Variants in WDR25 observed in about 807,000 individuals in gnomAD.
WDR25 encodes the protein WD repeat domain 25.
In WDR25, 35 loss-of-function variants were observed where a neutral mutation model predicts 47.7. The ratio of observed to expected loss-of-function variants is 0.73; its 90% CI spans 0.56 to 0.97. The LOEUF (loss-of-function observed/expected upper bound fraction) is 0.97. Among genes scored for constraint, WDR25 ranks in the 50% least tolerant of loss-of-function variants. The pLI is 0.00. For synonymous variants in WDR25, 248 were observed against 278.9 expected, an observed-to-expected ratio of 0.89 and a Z score of 1.10; for missense variants, 634 against 704.7, an observed-to-expected ratio of 0.90 and a Z score of 1.14.
chr14:100,508,807 T>A (rs899714993), intron 4 of WDR25, among the ~76,000 whole-genome samples: 7 of 152,172 alleles, frequency 4.6e-5, no homozygotes, highest in African/African-American at 1.4e-4. Flanking sequence ...ATGAATTTTT[T>A]AAAAATCATA....
intron 4 of WDR25, among the ~76,000 whole-genome samples, chr14:100,505,907 A>T (rs1292110720): frequency 2.6e-5 from 4 of 152,122 alleles, no homozygotes; most frequent in African/African-American, 4.8e-5. Flanking sequence ...CTTTCTTTTT[A>T]AAAAAATAAT....
chr14:100,432,643 G>A (rs1898373210), intron 2 of WDR25, among the ~76,000 whole-genome samples: 1 of 152,164 alleles, frequency 6.6e-6, no homozygotes, highest in Non-Finnish European at 1.5e-5. Flanking sequence ...TACCATGTAA[G>A]AGTAAGACTG....
intron 2 of WDR25, among the ~76,000 whole-genome samples, chr14:100,418,775 G>T (rs1293173834): frequency 6.6e-6 from 1 of 151,772 alleles, no homozygotes; most frequent in South Asian, 2.1e-4. Context: ...GCGGGGGGGG[G>T]TCCTACTCAC....
intron 3 of WDR25, chr14:100,481,017 A>G: frequency 2.3e-6 from 1 of 435,608 alleles, no homozygotes. Flanking sequence ...AGACTGGTGC[A>G]GTTGTCAGCT....
At chr14:100,410,211 C>T (rs1052926513) in intron 2 of WDR25, among the ~76,000 whole-genome samples, 2 of 152,254 alleles carry the variant, frequency 1.3e-5, no homozygotes, top group African/African-American at 2.4e-5. Context: ...CGTCAGTGCT[C>T]GTCCCTGGCC....
Position 100,424,329 on chromosome 14 carries a change from A to G in WDR25, c.822+42583A>G, listed in dbSNP as rs547397474. Among the ~76,000 whole-genome samples, 6 of 152,170 alleles carry G rather than the reference A, an allele frequency of 3.9e-5. No homozygotes were observed. The highest frequency in any genetic ancestry group is 6.5e-5 in the Admixed American group (1 of 15,286). Reference sequence around the variant, plus strand: ...GCATTAGCCTCTGTTTCCATGACAGACTGTTCACAGCCTCACAGTTTGCAT... The same window carrying G: ...GCATTAGCCTCTGTTTCCATGACAGGCTGTTCACAGCCTCACAGTTTGCAT... On this transcript the variant is annotated intron_variant, in intron 2 of 6. Coordinates refer to ENST00000402312, the MANE Select transcript of WDR25 (RefSeq NM_001161476.3). The surrounding 1 kb of genome is among the most constrained non-coding windows in gnomAD (Gnocchi z 4.2).
intron 2 of WDR25, among the ~76,000 whole-genome samples, chr14:100,447,593 G>C (rs757473050): frequency 2.2e-4 from 33 of 152,192 alleles, no homozygotes; most frequent in Non-Finnish European, 4.4e-4. Context: ...ACCCAGACTT[G>C]AGTGCTCTGT....
intron 2 of WDR25, among the ~76,000 whole-genome samples, chr14:100,399,084 C>CT (rs113216699): frequency 0.12 from 17,161 of 148,766 alleles, 2,282 homozygotes; most frequent in African/African-American, 0.33. Context: ...TTCCTTTTTT[C>CT]TTTTTTTTTT....
At chr14:100,382,137 G>T in intron 2 of WDR25, 1 of 702,996 alleles carries the variant, frequency 1.4e-6, no homozygotes, top group South Asian at 1.5e-5. Context: ...CTGGTTTCAA[G>T]GGCTGTTGGG....
chr14:100,478,116 A>AAC (rs67776004), intron 3 of WDR25, among the ~76,000 whole-genome samples: 1 of 20,002 alleles, frequency 5.0e-5, no homozygotes, highest in South Asian at 6.1e-4. Context: ...AACAAAACAA[A>AAC]AACAAACAAA....
intron 4 of WDR25, among the ~76,000 whole-genome samples, chr14:100,524,824 C>T (rs913164681): frequency 6.6e-6 from 1 of 152,202 alleles, no homozygotes; most frequent in Non-Finnish European, 1.5e-5. Context: ...GAGAATGGGC[C>T]TCAACCTCCT....
At chr14:100,497,212 G>T (rs1350679900) in intron 4 of WDR25, among the ~76,000 whole-genome samples, 5 of 152,196 alleles carry the variant, frequency 3.3e-5, no homozygotes. Flanking sequence ...CTGTTGTTGG[G>T]TGGAGTGTTG....
intron 4 of WDR25, among the ~76,000 whole-genome samples, chr14:100,492,467 T>C (rs1267340169): frequency 6.6e-6 from 1 of 152,218 alleles, no homozygotes; most frequent in Admixed American, 6.5e-5. Flanking sequence ...GTTCCAAGAC[T>C]TTCATTAACA....
In WDR25 at chr14:100,404,851, G is replaced by A. The variant is rs138168261; in HGVS notation, c.822+23105G>A. Reference sequence around the variant, plus strand: ...CCCCTGCAGCTCTGGCCTCTGCTGGGCCCATCCCTCCTGTGAGTGACATGG... The same window carrying A: ...CCCCTGCAGCTCTGGCCTCTGCTGGACCCATCCCTCCTGTGAGTGACATGG... On this transcript the variant is annotated intron_variant, in intron 2 of 6. Coordinates refer to ENST00000402312, the MANE Select transcript of WDR25 (RefSeq NM_001161476.3). The surrounding 1 kb of genome is among the most constrained non-coding windows in gnomAD (Gnocchi z 4.6). Among the ~76,000 whole-genome samples the A allele has an allele frequency of 1.4e-4, 21 of 152,232 alleles. No individual in the cohort carries two copies. The East Asian group carries it at 4.1e-3, about 29-fold the overall frequency.
chr14:100,483,396 A>G (rs1023316225), intron 3 of WDR25, among the ~76,000 whole-genome samples: 2 of 152,166 alleles, frequency 1.3e-5, no homozygotes, highest in African/African-American at 2.4e-5. Flanking sequence ...GAGACCCCCA[A>G]TGGCCCACAC....
chr14:100,529,331 T>C lies in WDR25; in HGVS notation c.1413+123T>C, dbSNP rs753272926. 25 of 1,440,552 alleles carry C rather than the reference T, an allele frequency of 1.7e-5. No individual in the cohort carries two copies. The highest frequency in any genetic ancestry group is 2.1e-5 in the Non-Finnish European group (22 of 1,062,604). The allele number at this position is 1,440,552 out of a possible 1,614,324, so 89.2% of individuals were successfully genotyped here. A position where few individuals can be genotyped will look rare whatever the true frequency, so the allele number is the denominator to read the frequency against. On this transcript the variant is annotated intron_variant, in intron 6 of 6. Transcript: ENST00000402312. This position sits in a 1 kb window ranked among gnomAD's most constrained non-coding sequence, Gnocchi z 5.1. ...TGGGTGGATCCTGCTTTCTGTTTCC[T>C]GGGTGAGCGCATGCCATGTGGCTCA... is the stretch of plus-strand genomic sequence containing the variant.
intron 2 of WDR25, among the ~76,000 whole-genome samples, chr14:100,457,477 A>T (rs1285773425): frequency 1.3e-5 from 2 of 152,236 alleles, no homozygotes; most frequent in African/African-American, 4.8e-5. Flanking sequence ...AATATCTTTT[A>T]AAAAAGAAAG....
In WDR25 at chr14:100,380,895, C is replaced by T. The variant is rs1422288767; in HGVS notation, c.-15-15C>T. 1 of 1,596,900 alleles carries T rather than the reference C, an allele frequency of 6.3e-7. No homozygotes were observed. Among genetic ancestry groups the T allele is most frequent in the South Asian group, 1.1e-5 (1 of 89,760 alleles). ...CCATGCACATTTTCTGACGGTTGAC[C>T]TTGTTTGATCTTAGGTGGTTTGGCT... On this transcript the variant is annotated splice_polypyrimidine_tract_variant and intron_variant, in intron 1 of 6. Coordinates refer to ENST00000402312, the MANE Select transcript of WDR25 (RefSeq NM_001161476.3).
At position 100,381,214 on chromosome 14, in the gene WDR25, A is replaced by G; in HGVS notation, c.290A>G (p.Gln97Arg). ...GGATCTTGCCCCAGCCAGAGGCTAC[A>G]GTGGCCCGGGAAGGAGCCTCAAGTC... ...DWGSCPSQRLQWPGKEPQVTF... is the reference protein window; with the variant it reads ...DWGSCPSQRLRWPGKEPQVTF... The change falls in exon 2 of 7, where the codon CAG becomes CGG. Residue 97 changes from glutamine to arginine, a missense_variant. Gln to Arg is a conservative substitution (Grantham distance 43). Transcript: ENST00000402312. The G allele has an allele frequency of 1.2e-6, 2 of 1,613,908 alleles. No homozygotes were observed. The highest frequency in any genetic ancestry group is 1.7e-6 in the Non-Finnish European group (2 of 1,179,984).
Sources: allele counts gnomAD v4.1 joint callset (sites outside exome capture counted in the v4.1 genomes callset), GRCh38; gene constraint gnomAD v4.1.1; non-coding constraint Gnocchi (gnomAD v3.1); transcripts MANE v1.5; gene names NCBI Gene and HGNC (gene_info 2026-07-23, HGNC 2026-07-21).